The following UNC13B variants were observed in gnomAD, a reference collection of about 807,000 sequenced individuals.
UNC13B encodes protein unc-13 homolog B.
Under a neutral mutation model 211.0 loss-of-function variants are expected in UNC13B, and 144 were observed. The ratio of observed to expected loss-of-function variants is 0.68; its 90% CI spans 0.60 to 0.78. The LOEUF (loss-of-function observed/expected upper bound fraction) is 0.78, where lower values mean the gene tolerates loss of function less well. Ranked by LOEUF, UNC13B falls within the 30% of genes least tolerant of loss-of-function variation. The probability of loss-of-function intolerance (pLI) is 0.00; values close to 1 mark genes in which losing one functional copy is unlikely to be tolerated. For synonymous variants in UNC13B, 709 were observed against 725.8 expected (o/e 0.98, Z 0.37); for missense variants, 1,777 against 2,002.0 (o/e 0.89, Z 2.14).
In UNC13B at chr9:35,302,163, A is replaced by C; in HGVS notation, c.2759A>C (p.His920Pro). The C allele has an allele frequency of 5.0e-6, 2 of 398,810 alleles. No homozygotes were observed. Among genetic ancestry groups the C allele is most frequent in the Non-Finnish European group, 8.9e-6 (2 of 225,840 alleles). 24.7% of individuals were successfully genotyped at this position (398,810 alleles called of 1,614,324 possible). A position where few individuals can be genotyped will look rare whatever the true frequency, so the allele number is the denominator to read the frequency against. ...TTDEESKKNC[H>P]EDTKHSSIKS... ...GATGAGGAGAGCAAAAAAAATTGCC[A>C]TGAAGATACCAAACATAGTTCAATA... Residue 920 changes from histidine (H) to proline (P), a missense_variant, in exon 9 of 40, where the codon CAT becomes CCT. His to Pro is a moderately conservative substitution (Grantham distance 77, BLOSUM62 -2). Coordinates refer to ENST00000635942, the MANE Select transcript of UNC13B (RefSeq NM_001371189.2).
At chr9:35,398,466 T>C in intron 31 of UNC13B, 88 bp from the exon 32 acceptor site, 1 of 1,434,272 alleles carries the variant, frequency 7.0e-7, no homozygotes. Flanking sequence ...GGCACTGGGG[T>C]AAGCCCTGCA....
chr9:35,276,536 G>A (rs150538337), intron 7 of UNC13B, among the ~76,000 whole-genome samples: 3 of 152,138 alleles, frequency 2.0e-5, no homozygotes, highest in African/African-American at 7.2e-5. Flanking sequence ...TTTTGAATTC[G>A]TTGTGGTCAC....
At chr9:35,239,244 G>A (rs1222345819) in intron 5 of UNC13B, among the ~76,000 whole-genome samples, 1 of 152,026 alleles carries the variant, frequency 6.6e-6, no homozygotes, top group African/African-American at 2.4e-5. Context: ...TTTTTCCTAA[G>A]TGTTGGCCGG....
chr9:35,314,356 A>G (rs1034896080), intron 11 of UNC13B, among the ~76,000 whole-genome samples: 2 of 152,180 alleles, frequency 1.3e-5, no homozygotes, highest in Non-Finnish European at 2.9e-5. Context: ...GCTCATCTGT[A>G]GGGCCAAAAC....
At position 35,398,591 on chromosome 9, in the gene UNC13B, A is replaced by G; in HGVS notation, c.11870A>G (p.Gln3957Arg). ...LEAADSLKELQVKLNTVLDEL... is the reference protein window; with the variant it reads ...LEAADSLKELRVKLNTVLDEL... Reference sequence around the variant, plus strand: ...GCTGCAGACAGTCTGAAGGAGCTGCAGGTGAAACTGAATACGGTTCTGGAT... The same window carrying G: ...GCTGCAGACAGTCTGAAGGAGCTGCGGGTGAAACTGAATACGGTTCTGGAT... The change falls in exon 32 of 40, where the codon CAG becomes CGG. Residue 3957 changes from glutamine to arginine, a missense_variant. By Grantham distance (43) the Gln-to-Arg change is conservative. Transcript: ENST00000635942. The G allele has an allele frequency of 6.2e-7, 1 of 1,614,072 alleles. No individual in the cohort carries two copies. Among genetic ancestry groups the G allele is most frequent in the East Asian group, 2.2e-5 (1 of 44,878 alleles).
At chr9:35,337,739 T>G (rs1831744486) in intron 11 of UNC13B, among the ~76,000 whole-genome samples, 1 of 152,262 alleles carries the variant, frequency 6.6e-6, no homozygotes. Flanking sequence ...ACTCATCTGC[T>G]GGTTAGGGAC....
intron 6 of UNC13B, among the ~76,000 whole-genome samples, chr9:35,247,779 C>T (rs998821880): frequency 3.0e-4 from 46 of 152,106 alleles, no homozygotes; most frequent in African/African-American, 1.1e-3. Context: ...AGGATTTTTG[C>T]GTCAATGTTC....
chr9:35,384,333 G>A lies in UNC13B; in HGVS notation c.10875+19G>A. The A allele has an allele frequency of 6.2e-7, 1 of 1,612,944 alleles. No homozygotes were observed. On this transcript the variant is annotated intron_variant, in intron 22 of 39. Transcript: ENST00000635942. ...ATACAGGGTGAGTGAAGACACGGCTGTGGGCAGGATAATAGATATCAAGCA... is the reference window on the plus strand; with the variant it reads ...ATACAGGGTGAGTGAAGACACGGCTATGGGCAGGATAATAGATATCAAGCA...
chr9:35,400,383 CTG>C lies in UNC13B; in HGVS notation c.12426_12427del (p.Tyr4143HisfsTer5). The C allele has an allele frequency of 1.2e-6, 2 of 1,614,186 alleles. No individual in the cohort carries two copies. Among genetic ancestry groups the C allele is most frequent in the Middle Eastern group, 1.6e-4 (1 of 6,062 alleles). ...GCAGTCTCTACGCTATGCCCTGTCT[CTG>C]TACACACAGACTACTGACACTCTCA... The part of the protein sequence containing the change: ...DLQSLRYALS[L>X]YTQTTDTLIK... On this transcript the variant is annotated frameshift_variant, in exon 37 of 40. Coordinates refer to ENST00000635942, the MANE Select transcript of UNC13B (RefSeq NM_001371189.2). LOFTEE classifies it high-confidence loss of function.
chr9:35,341,966 G>T, intron 11 of UNC13B: 1 of 985,634 alleles, frequency 1.0e-6, no homozygotes, highest in South Asian at 4.7e-5. Context: ...GTTGCCTTCA[G>T]CAGGCTGATC....
At chr9:35,342,856 A>T (rs1303181457) in intron 11 of UNC13B, among the ~76,000 whole-genome samples, 5 of 152,196 alleles carry the variant, frequency 3.3e-5, no homozygotes, top group African/African-American at 4.8e-5. Flanking sequence ...TCTTGAATAT[A>T]TTCTGTATCA....
chr9:35,246,826 C>T (rs938368202), intron 6 of UNC13B, among the ~76,000 whole-genome samples: 6 of 152,140 alleles, frequency 3.9e-5, no homozygotes, highest in African/African-American at 1.4e-4. Context: ...ATTGACTTGG[C>T]AATGTGGGCT....
chr9:35,183,620 C>CGGT (rs1822125053), intron 1 of UNC13B, among the ~76,000 whole-genome samples: 1 of 138,574 alleles, frequency 7.2e-6, no homozygotes. Context: ...CCAGACGGGG[C>CGGT]GGCCGGGCAG....
rs1050785009 is a variant in UNC13B at position 35,301,704 on chromosome 9, A to G, written c.2300A>G (p.Gln767Arg). The change falls in exon 9 of 40, where the codon CAA becomes CGA. Residue 767 changes from glutamine (Q) to arginine (R), a missense_variant. Gln to Arg is a conservative substitution (Grantham distance 43, BLOSUM62 1). Coordinates refer to ENST00000635942, the MANE Select transcript of UNC13B (RefSeq NM_001371189.2). ...GATCTGTCTCTTTTACCAGATCAAC[A>G]AAAAATATGTGCCAAAGATACTCCA... is the stretch of plus-strand genomic sequence containing the variant. ...CIDLSLLPDQ[Q>R]KICAKDTPGH... 1 of 398,940 alleles carries G rather than the reference A, an allele frequency of 2.5e-6. No homozygotes were observed. Among genetic ancestry groups the G allele is most frequent in the Non-Finnish European group, 4.4e-6 (1 of 225,948 alleles). 24.7% of individuals were successfully genotyped at this position (398,940 alleles called of 1,614,324 possible). A position where few individuals can be genotyped will look rare whatever the true frequency, so the allele number is the denominator to read the frequency against.
intron 31 of UNC13B, 110 bp from the exon 32 acceptor site, chr9:35,398,444 G>A (rs1328407831): frequency 2.5e-5 from 34 of 1,365,416 alleles, no homozygotes; most frequent in African/African-American, 2.9e-5. Flanking sequence ...AAGGCCCTGC[G>A]AGGGAGGAAT....
chr9:35,239,329 G>A (rs376224811), intron 5 of UNC13B, among the ~76,000 whole-genome samples: 197 of 152,150 alleles, frequency 1.3e-3, no homozygotes, highest in African/African-American at 4.5e-3. Context: ...GTCACATGTC[G>A]GCAGGTTCTG....
chr9:35,287,202 G>A (rs1222894816), intron 7 of UNC13B, among the ~76,000 whole-genome samples: 1 of 148,818 alleles, frequency 6.7e-6, no homozygotes, highest in African/African-American at 2.5e-5. Context: ...GCATGATCAC[G>A]GCTCACTGCA....
chr9:35,254,887 A>T (rs1357825473), intron 6 of UNC13B, among the ~76,000 whole-genome samples: 2 of 127,064 alleles, frequency 1.6e-5, no homozygotes, highest in East Asian at 4.1e-4. Flanking sequence ...TATATATATT[A>T]TATATAATAT....
At chr9:35,216,909 C>A (rs1824281204) in intron 1 of UNC13B, among the ~76,000 whole-genome samples, 1 of 152,130 alleles carries the variant, frequency 6.6e-6, no homozygotes, top group Non-Finnish European at 1.5e-5. Flanking sequence ...AAAAAACAAT[C>A]TCATAAGGTC....
Sources: allele counts gnomAD v4.1 joint callset (sites outside exome capture counted in the v4.1 genomes callset), GRCh38; gene constraint gnomAD v4.1.1; transcripts MANE v1.5; gene names NCBI Gene and HGNC (gene_info 2026-07-23, HGNC 2026-07-21).